C3orf70: variants seen among roughly 807,000 people sequenced by gnomAD.
C3orf70 encodes the protein chromosome 3 open reading frame 70.
C3orf70 carries 15 observed loss-of-function variants against 20.7 expected under a neutral mutation model. The ratio of observed to expected loss-of-function variants is 0.72; its 90% CI spans 0.48 to 1.11. The LOEUF (loss-of-function observed/expected upper bound fraction) is 1.11, where lower values mean the gene tolerates loss of function less well. Among genes scored for constraint, C3orf70 ranks in the 50% most tolerant of loss-of-function variants. The pLI is 0.00. For missense variants in C3orf70, 332 were observed against 317.6 expected (o/e 1.05, Z -0.34); for synonymous variants, 161 against 125.7 (o/e 1.28, Z -1.88).
At chr3:185,114,985 T>A (rs1716146418) in intron 1 of C3orf70, among the ~76,000 whole-genome samples, 2 of 152,234 alleles carry the variant, frequency 1.3e-5, no homozygotes, top group Non-Finnish European at 1.5e-5. Context: ...AACGCTCTGG[T>A]TTAATTTTTT....
chr3:185,139,506 TCATA>T (rs1352844376), intron 1 of C3orf70, among the ~76,000 whole-genome samples: 1 of 147,936 alleles, frequency 6.8e-6, no homozygotes, highest in Non-Finnish European at 1.5e-5. Context: ...TCAGCCGAGA[TCATA>T]CCACTGCACT....
chr3:185,151,916 G>T (rs1043347999), intron 1 of C3orf70, among the ~76,000 whole-genome samples: 2 of 152,190 alleles, frequency 1.3e-5, no homozygotes, highest in South Asian at 2.1e-4. Flanking sequence ...CAGAGAAAGG[G>T]TTTAGACCAT....
intron 1 of C3orf70, among the ~76,000 whole-genome samples, chr3:185,115,364 T>C (rs1025625321): frequency 1.2e-4 from 18 of 152,224 alleles, no homozygotes; most frequent in Non-Finnish European, 2.1e-4. Context: ...ATATTCCCCC[T>C]GTAGACTTTA....
intron 1 of C3orf70, among the ~76,000 whole-genome samples, chr3:185,092,270 A>G (rs1295013095): frequency 6.6e-6 from 1 of 152,044 alleles, no homozygotes; most frequent in East Asian, 1.9e-4. Flanking sequence ...CTGCTTACAG[A>G]AGGCAAGGGC....
intron 1 of C3orf70, among the ~76,000 whole-genome samples, chr3:185,123,139 A>C (rs1338361034): frequency 7.0e-6 from 1 of 142,090 alleles, no homozygotes; most frequent in Non-Finnish European, 1.5e-5. Flanking sequence ...AGATCGCGCC[A>C]CTGCACTCCA....
intron 1 of C3orf70, among the ~76,000 whole-genome samples, chr3:185,097,364 T>G (rs1343157143): frequency 6.6e-6 from 1 of 152,220 alleles, no homozygotes; most frequent in Non-Finnish European, 1.5e-5. Context: ...TTAAAGAACA[T>G]TGTCTTTGTT....
chr3:185,133,175 CTGTT>C (rs1008714353), intron 1 of C3orf70, among the ~76,000 whole-genome samples: 5 of 152,162 alleles, frequency 3.3e-5, no homozygotes, highest in Admixed American at 6.6e-5. Flanking sequence ...ACAATACACT[CTGTT>C]GGTGAAGCTA....
At chr3:185,105,776 A>G (rs1715921342) in intron 1 of C3orf70, among the ~76,000 whole-genome samples, 1 of 152,216 alleles carries the variant, frequency 6.6e-6, no homozygotes, top group Admixed American at 6.5e-5. Flanking sequence ...TGGTTGGAGA[A>G]TGTGGAACTA....
chr3:185,126,779 G>A (rs1408076724), intron 1 of C3orf70, among the ~76,000 whole-genome samples: 3 of 152,132 alleles, frequency 2.0e-5, no homozygotes, highest in South Asian at 4.2e-4. Context: ...CAGAGCACAT[G>A]GCCCTTCTAA....
chr3:185,136,094 T>C (rs1464668122), intron 1 of C3orf70, among the ~76,000 whole-genome samples: 1 of 151,780 alleles, frequency 6.6e-6, no homozygotes, highest in Non-Finnish European at 1.5e-5. Context: ...TATAGTGAGG[T>C]TGAAAATAAA....
intron 1 of C3orf70, among the ~76,000 whole-genome samples, chr3:185,090,207 A>G (rs1265124099): frequency 1.3e-5 from 2 of 152,236 alleles, no homozygotes; most frequent in Non-Finnish European, 2.9e-5. Context: ...CTGTATAATT[A>G]CATAGCAGAT....
intron 1 of C3orf70, among the ~76,000 whole-genome samples, chr3:185,107,913 G>GT (rs138790636): frequency 0.052 from 7,902 of 152,230 alleles, 665 homozygotes; most frequent in African/African-American, 0.18. Context: ...ACAGGACTTA[G>GT]TAAGAGTGGC....
intron 1 of C3orf70, among the ~76,000 whole-genome samples, chr3:185,112,401 C>A (rs1716093557): frequency 6.6e-6 from 1 of 152,138 alleles, no homozygotes; most frequent in South Asian, 2.1e-4. Context: ...TTTTCCTATT[C>A]CCCAGCAAGC....
intron 1 of C3orf70, among the ~76,000 whole-genome samples, chr3:185,097,018 G>C (rs6797585): frequency 0.081 from 12,376 of 152,066 alleles, 1,712 homozygotes; most frequent in African/African-American, 0.28. Context: ...CAAGGCCCTG[G>C]GGGACTGCAT....
At chr3:185,106,177 G>A (rs1161419882) in intron 1 of C3orf70, among the ~76,000 whole-genome samples, 1 of 152,194 alleles carries the variant, frequency 6.6e-6, no homozygotes, top group Non-Finnish European at 1.5e-5. Flanking sequence ...CAAGCTAGAT[G>A]AGAGAGTGAT....
At chr3:185,139,208 A>G (rs1177949360) in intron 1 of C3orf70, among the ~76,000 whole-genome samples, 1 of 147,264 alleles carries the variant, frequency 6.8e-6, no homozygotes, top group African/African-American at 2.5e-5. Flanking sequence ...GGAGAAGAGG[A>G]AGAAGGGGCA....
intron 1 of C3orf70, among the ~76,000 whole-genome samples, chr3:185,147,278 C>G (rs1716896158): frequency 6.6e-6 from 1 of 152,132 alleles, no homozygotes; most frequent in South Asian, 2.1e-4. Context: ...CTGGTAGCAC[C>G]TACATCATAC....
At chr3:185,114,603 G>C (rs996843451) in intron 1 of C3orf70, among the ~76,000 whole-genome samples, 1 of 152,186 alleles carries the variant, frequency 6.6e-6, no homozygotes, top group African/African-American at 2.4e-5. Flanking sequence ...TTGCTAGACA[G>C]TGGATTCTTA....
chr3:185,104,977 C>A (rs1715898503), intron 1 of C3orf70, among the ~76,000 whole-genome samples: 1 of 152,104 alleles, frequency 6.6e-6, no homozygotes, highest in South Asian at 2.1e-4. Context: ...AAATAAATAT[C>A]CAGCAACTAA....
Sources: allele counts gnomAD v4.1 joint callset (sites outside exome capture counted in the v4.1 genomes callset), GRCh38; gene constraint gnomAD v4.1.1; transcripts MANE v1.5; gene names NCBI Gene and HGNC (gene_info 2026-07-23, HGNC 2026-07-21).